The following DUSP15 variants were observed in gnomAD, a reference collection of about 807,000 sequenced individuals.
DUSP15 encodes the protein dual specificity phosphatase 15.
In DUSP15, 23 loss-of-function variants were observed where a neutral mutation model predicts 26.3. The observed-to-expected ratio is 0.87, with a 90% CI of 0.63 to 1.24. DUSP15 has a LOEUF of 1.24. Ranked by LOEUF, DUSP15 falls within the 50% of genes most tolerant of loss-of-function variation. The pLI is 0.00. For synonymous variants in DUSP15, 143 were observed against 135.5 expected, an observed-to-expected ratio of 1.06 and a Z score of -0.39; for missense variants, 364 against 320.6, an observed-to-expected ratio of 1.14 and a Z score of -1.03.
At position 31,849,643 on chromosome 20, in the gene DUSP15, C is replaced by A. The variant is rs1382664272; in HGVS notation, c.628+95G>T. The A allele has an allele frequency of 4.0e-6, 6 of 1,516,926 alleles. No individual in the cohort carries two copies. The Admixed American group carries it at 1.2e-4, about 30-fold the overall frequency. 94.0% of individuals were successfully genotyped at this position (1,516,926 alleles called of 1,614,324 possible). On this transcript the variant is annotated intron_variant, in intron 8 of 9. Coordinates refer to the DUSP15 transcript ENST00000278979. ...CTGGCACAGGCGCTTGGTGAACACG[C>A]CCTCCGGAGCCACCCAGAGCTGCAC...
intron 6 of DUSP15, among the ~76,000 whole-genome samples, chr20:31,852,937 G>A (rs979208214): frequency 2.0e-5 from 3 of 152,186 alleles, no homozygotes; most frequent in Admixed American, 6.5e-5. Flanking sequence ...CTTTGTTGGT[G>A]CCCTCCAAAT....
intron 6 of DUSP15, among the ~76,000 whole-genome samples, chr20:31,851,808 G>A (rs955718503): frequency 2.0e-5 from 3 of 152,046 alleles, no homozygotes; most frequent in Admixed American, 6.5e-5. Context: ...AGCTTCCTTC[G>A]GACTAAAGGG....
intron 6 of DUSP15, 27 bp from the exon 7 acceptor site, chr20:31,861,702 G>A (rs1482879011): frequency 1.6e-6 from 2 of 1,212,630 alleles, no homozygotes; most frequent in Non-Finnish European, 2.0e-6. Context: ...AGGTGGGCGG[G>A]GTCAAGGCCG....
In DUSP15 at chr20:31,861,234, T is replaced by C. The variant is rs993041392; in HGVS notation, c.*169A>G. 56 of 1,337,534 alleles carry C rather than the reference T, an allele frequency of 4.2e-5. No individual in the cohort carries two copies. In the African/African-American group the frequency reaches 6.6e-4, roughly 16 times the overall value. 82.9% of individuals were successfully genotyped at this position (1,337,534 alleles called of 1,614,324 possible). ...CGGCCCGGACACAGAGACGCACAGG[T>C]TGGGGACGCTGACTGCAGACGCGGA... On this transcript the variant is annotated 3_prime_UTR_variant, in exon 7 of 7. Transcript: ENST00000339738.
At chr20:31,851,833 CA>C (rs1281098466) in intron 6 of DUSP15, among the ~76,000 whole-genome samples, 1 of 152,136 alleles carries the variant, frequency 6.6e-6, no homozygotes, top group African/African-American at 2.4e-5. Context: ...CCTACCTCTT[CA>C]GGGGGCGCCC....
chr20:31,849,874 G>T lies in DUSP15; in HGVS notation c.492C>A (p.Cys164Ter). 6.7e-7 allele frequency: 1 copy of T among 1,493,524 alleles called. No homozygotes were observed. The highest frequency in any genetic ancestry group is 2.3e-5 in the Admixed American group (1 of 44,262). 92.5% of individuals were successfully genotyped at this position (1,493,524 alleles called of 1,614,324 possible). The change falls in exon 8 of 10, where the codon TGC (cysteine) becomes TGA (stop). Residue 164 changes from cysteine to a stop codon, truncating the protein, a stop_gained and splice_region_variant. Transcript: ENST00000278979. LOFTEE classifies it high-confidence loss of function. ...GAAGAGCCACACGTGCAGCCAGCAG[G>T]CTGTGGGGCGAGAGAGGGTGCACGG...
Position 31,863,923 on chromosome 20 carries a change from TC to T in DUSP15, c.246del (p.Asn83ThrfsTer17), listed in dbSNP as rs1274893988. On this transcript the variant is annotated frameshift_variant, in exon 5 of 7. Transcript: ENST00000339738. LOFTEE classifies it high-confidence loss of function. ...TTAACTCACCAGTGCACAAGGCAGT[TC>T]CCCCCATTAAGGCGGCAGCAGTGGA... ...NFIHCCRLNG[G>X]NCLVHCFAGI... is the part of the protein sequence containing the mutation. The T allele has an allele frequency of 1.9e-6, 3 of 1,613,364 alleles. No individual in the cohort carries two copies. Among genetic ancestry groups the T allele is most frequent in the African/African-American group, 2.7e-5 (2 of 74,728 alleles).
intron 5 of DUSP15, 116 bp downstream of exon 5, chr20:31,863,791 G>A: frequency 9.7e-7 from 1 of 1,029,514 alleles, no homozygotes; most frequent in Admixed American, 2.0e-5. Context: ...CAGGCACTGT[G>A]ACAGGCTGGA....
At chr20:31,870,538 C>A (rs2062902003), upstream of DUSP15, 1 of 1,451,016 alleles carries the variant, frequency 6.9e-7, no homozygotes, top group East Asian at 2.9e-5. This position sits in a 1 kb window ranked among gnomAD's most constrained non-coding sequence, Gnocchi z 6.6. Context: ...GGTGGTGGAG[C>A]CGCCGCTGCC....
Position 31,853,945 on chromosome 20 carries a change from T to G in DUSP15, c.427-3269A>C, listed in dbSNP as rs115380855. On this transcript the variant is annotated intron_variant, in intron 6 of 9. Transcript: ENST00000278979. ...AGAGTGTGGTCAGAAAAGGCCTCTTTCAGGAGGTAACATTTGTGCTAAAAC... is the reference window on the plus strand; with the variant it reads ...AGAGTGTGGTCAGAAAAGGCCTCTTGCAGGAGGTAACATTTGTGCTAAAAC... Among the ~76,000 whole-genome samples, 803 of 152,004 alleles carry G rather than the reference T, an allele frequency of 5.3e-3. 7 individuals are homozygous for G. Among genetic ancestry groups the G allele is most frequent in the African/African-American group, 0.018 (761 of 41,470 alleles).
exon 10 of DUSP15, chr20:31,848,325 C>A: frequency 7.0e-7 from 1 of 1,429,614 alleles, no homozygotes; most frequent in Non-Finnish European, 9.3e-7. Flanking sequence ...GGTGATGTGC[C>A]GGGGGAGGCC....
rs1263693325 is a variant in DUSP15 at position 31,848,697 on chromosome 20, G to T, written c.726+109C>A. Reference sequence around the variant, plus strand: ...CCAGGTAGGGTCCTACAGACCCGAGGGTGCTAGAAGTGTCAGAGGCAGAGC... The same window carrying T: ...CCAGGTAGGGTCCTACAGACCCGAGTGTGCTAGAAGTGTCAGAGGCAGAGC... On this transcript the variant is annotated intron_variant, in intron 9 of 9. Coordinates refer to the DUSP15 transcript ENST00000278979. 9 of 1,464,884 alleles carry T rather than the reference G, an allele frequency of 6.1e-6. No individual in the cohort carries two copies. The East Asian group carries it at 2.2e-4, about 36-fold the overall frequency. 90.7% of individuals were successfully genotyped at this position (1,464,884 alleles called of 1,614,324 possible). A position where few individuals can be genotyped will look rare whatever the true frequency, so the allele number is the denominator to read the frequency against.
rs373090663 is a variant in DUSP15, at chr20:31,848,259, GC to G, written c.*144del. The G allele has an allele frequency of 1.9e-3, 1,745 of 901,902 alleles. 18 individuals carry two copies. The highest frequency in any genetic ancestry group is 8.4e-3 in the South Asian group (414 of 49,266). 55.9% of individuals were successfully genotyped at this position (901,902 alleles called of 1,614,324 possible). On this transcript the variant is annotated 3_prime_UTR_variant, in exon 10 of 10. Coordinates refer to the DUSP15 transcript ENST00000278979. The stretch of plus-strand genomic sequence containing the variant: ...GTGTGGCCTACTCTCGAGTTCCGGG[GC>G]CCCGTGACAGAGGAGTGGAAGGCCG...
chr20:31,870,279 G>A lies in DUSP15; in HGVS notation c.21+38C>T, dbSNP rs1016493144. Reference sequence around the variant, plus strand: ...TCAGCGCCGGGCCGCGGCGGCCGGGGCGGGGACCGGGGAGGCTGCGCGGGG... The same window carrying A: ...TCAGCGCCGGGCCGCGGCGGCCGGGACGGGGACCGGGGAGGCTGCGCGGGG... On this transcript the variant is annotated intron_variant, in intron 1 of 6. Transcript: ENST00000339738. The surrounding 1 kb of genome is among the most constrained non-coding windows in gnomAD (Gnocchi z 6.6). 5 of 1,227,558 alleles carry A rather than the reference G, an allele frequency of 4.1e-6. No homozygotes were observed. The Admixed American group carries it at 1.7e-4, about 42-fold the overall frequency. 76.0% of individuals were successfully genotyped at this position (1,227,558 alleles called of 1,614,324 possible).
chr20:31,845,717 T>G (rs2062371193), downstream of DUSP15: 4 of 725,336 alleles, frequency 5.5e-6, no homozygotes, highest in Admixed American at 2.9e-5. Context: ...CTCGCCCCAC[T>G]CCCACAAGGC....
Position 31,861,646 on chromosome 20 carries a change from GC to G in DUSP15, c.464del (p.Gly155AlafsTer120). The G allele has an allele frequency of 1.5e-6, 2 of 1,293,400 alleles. No homozygotes were observed. The highest frequency in any genetic ancestry group is 2.0e-6 in the Non-Finnish European group (2 of 1,006,496). 80.1% of individuals were successfully genotyped at this position (1,293,400 alleles called of 1,614,324 possible). A position where few individuals can be genotyped will look rare whatever the true frequency, so the allele number is the denominator to read the frequency against. ...CCTCCTCGTCGCGGAAGGGGCTCTC[GC>G]CGAAGCGCTCCTCCAGCTGCCGGCG... ...KLRRQLEERF[G>X]ESPFRDEEEL... On this transcript the variant is annotated frameshift_variant, in exon 7 of 7. Transcript: ENST00000339738. LOFTEE classifies it high-confidence loss of function.
exon 8 of DUSP15, chr20:31,849,870 G>T: frequency 6.7e-7 from 1 of 1,499,024 alleles, no homozygotes; most frequent in Non-Finnish European, 8.8e-7. Flanking sequence ...CGTGCAGCCA[G>T]CAGGCTGTGG....
intron 4 of DUSP15, chr20:31,864,427 A>C: frequency 2.9e-6 from 3 of 1,035,420 alleles, no homozygotes; most frequent in Non-Finnish European, 3.5e-6. Context: ...GCGGGGAGGC[A>C]CTACTGCTGA....
Position 31,861,492 on chromosome 20 carries a change from C to T in DUSP15, c.619G>A (p.Glu207Lys), listed in dbSNP as rs2062649750. 2.6e-6 allele frequency: 4 copies of T among 1,535,112 alleles called. No individual in the cohort carries two copies. ...VQRLVPRTPREAHRPLPLLAR... is the reference protein window; with the variant it reads ...VQRLVPRTPRKAHRPLPLLAR... The stretch of plus-strand genomic sequence containing the variant: ...AGCAGCGGCAGCGGCCGGTGGGCTT[C>T]CCGGGGCGTGCGCGGCACCAGGCGC... Residue 207 changes from glutamate (E) to lysine (K), a missense_variant, in exon 7 of 7, where the codon GAA becomes AAA. By Grantham distance (56) the Glu-to-Lys change is moderately conservative. Transcript: ENST00000339738.
Sources: gnomAD v4.1 joint callset for allele counts (sites outside exome capture counted in the v4.1 genomes callset) on GRCh38, gnomAD v4.1.1 for gene constraint, Gnocchi (gnomAD v3.1) non-coding constraint, MANE v1.5 for transcripts, NCBI Gene and HGNC (gene_info 2026-07-23, HGNC 2026-07-21) for gene names.